Variants in AGAP1 observed in about 807,000 individuals in gnomAD.
AGAP1 encodes arf-GAP with GTPase, ANK repeat and PH domain-containing protein 1.
In AGAP1, 29 loss-of-function variants were observed where a neutral mutation model predicts 105.3. The observed-to-expected ratio is 0.28, with a 90% CI of 0.21 to 0.38. The LOEUF is 0.38. Ranked by LOEUF, AGAP1 falls within the 10% of genes least tolerant of loss-of-function variation. The probability of loss-of-function intolerance (pLI) is 1.00; values close to 1 mark genes in which losing one functional copy is unlikely to be tolerated. For synonymous variants in AGAP1, 509 were observed against 485.9 expected (o/e 1.05, Z -0.63); for missense variants, 998 against 1,165.1 (o/e 0.86, Z 2.09).
Position 235,733,496 on chromosome 2 carries a change from A to T in AGAP1, c.311-7467A>T, listed in dbSNP as rs951481200. 1.3e-5 allele frequency among the ~76,000 whole-genome samples: 2 copies of T among 152,162 alleles called. No individual in the cohort carries two copies. Among genetic ancestry groups the T allele is most frequent in the South Asian group, 4.1e-4 (2 of 4,830 alleles). On this transcript the variant is annotated intron_variant, in intron 3 of 17. Transcript: ENST00000304032. This position sits in a 1 kb window ranked among gnomAD's most constrained non-coding sequence, Gnocchi z 5.0. The stretch of plus-strand genomic sequence containing the variant: ...AAAGCCGTGCCCCTTTTCCTGTTGG[A>T]TGGTGAAGTTCCTTCCTTCTGGCTT...
rs1393472703 is a variant in AGAP1 at position 235,639,997 on chromosome 2, G to T, written c.164-69182G>T. Among the ~76,000 whole-genome samples the T allele has an allele frequency of 6.6e-6, 1 of 152,214 alleles. No homozygotes were observed. Among genetic ancestry groups the T allele is most frequent in the Non-Finnish European group, 1.5e-5 (1 of 68,042 alleles). ...TGTTTTTCTTGATAGCTGGATTTGGGTTATCTCTCAGGAAGCGGTTAGCAG... is the reference window on the plus strand; with the variant it reads ...TGTTTTTCTTGATAGCTGGATTTGGTTTATCTCTCAGGAAGCGGTTAGCAG... On this transcript the variant is annotated intron_variant, in intron 1 of 17. Transcript: ENST00000304032. The surrounding 1 kb of genome is among the most constrained non-coding windows in gnomAD (Gnocchi z 5.3).
chr2:235,908,938 A>G lies in AGAP1; in HGVS notation c.1324+32A>G. The G allele has an allele frequency of 6.3e-7, 1 of 1,590,606 alleles. No individual in the cohort carries two copies. Among genetic ancestry groups the G allele is most frequent in the Non-Finnish European group, 8.6e-7 (1 of 1,161,866 alleles). On this transcript the variant is annotated intron_variant, in intron 11 of 17. Transcript: ENST00000304032. The surrounding 1 kb of genome is among the most constrained non-coding windows in gnomAD (Gnocchi z 4.4). Reference sequence around the variant, plus strand: ...TTACAGCAAATGCACTAACAAATCAAGTTCAACAGCAACAGGTGGTCCAGG... The same window carrying G: ...TTACAGCAAATGCACTAACAAATCAGGTTCAACAGCAACAGGTGGTCCAGG...
intron 6 of AGAP1, among the ~76,000 whole-genome samples, chr2:235,781,950 A>G (rs1254708899): frequency 6.6e-6 from 1 of 152,220 alleles, no homozygotes; most frequent in Non-Finnish European, 1.5e-5. Flanking sequence ...GGGAGCTGTG[A>G]TGCCCTTTAA....
intron 1 of AGAP1, among the ~76,000 whole-genome samples, chr2:235,502,337 G>A (rs559571173): frequency 2.6e-5 from 4 of 152,276 alleles, no homozygotes; most frequent in African/African-American, 9.6e-5. Context: ...GTTTGTGTGC[G>A]AGGTTGGGAC....
chr2:235,957,791 T>A lies in AGAP1; in HGVS notation c.1484-10671T>A, dbSNP rs1416644190. 8.5e-5 allele frequency among the ~76,000 whole-genome samples: 13 copies of A among 152,208 alleles called. No homozygotes were observed. Reference sequence around the variant, plus strand: ...ATCGTTGGCCGTGTATCAAAGGAAGTGCGTTTTAATTTACGAGTTCCTACA... The same window carrying A: ...ATCGTTGGCCGTGTATCAAAGGAAGAGCGTTTTAATTTACGAGTTCCTACA... On this transcript the variant is annotated intron_variant, in intron 12 of 17. Coordinates refer to ENST00000304032, the MANE Select transcript of AGAP1 (RefSeq NM_001037131.3). This position sits in a 1 kb window ranked among gnomAD's most constrained non-coding sequence, Gnocchi z 4.6.
chr2:235,803,198 GGTA>G (rs138609170), intron 8 of AGAP1, among the ~76,000 whole-genome samples: 32,808 of 151,106 alleles, frequency 0.22, 4,443 homozygotes, highest in Non-Finnish European at 0.3. Context: ...TGGTTGTGGT[GGTA>G]GTGGTGGTGG....
rs1459622439 is a variant in AGAP1, at chr2:236,027,568, T to C, written c.1646-8993T>C. On this transcript the variant is annotated intron_variant, in intron 13 of 17. Coordinates refer to ENST00000304032, the MANE Select transcript of AGAP1 (RefSeq NM_001037131.3). This position sits in a 1 kb window ranked among gnomAD's most constrained non-coding sequence, Gnocchi z 4.4. ...CTCCCCTCCAGGTGTCCCAGATGTT[T>C]GCATCACAGTTCAGCCCTGGTCCCC... 6.6e-6 allele frequency among the ~76,000 whole-genome samples: 1 copy of C among 152,084 alleles called. No homozygotes were observed. Among genetic ancestry groups the C allele is most frequent in the Non-Finnish European group, 1.5e-5 (1 of 68,004 alleles).
Position 235,642,151 on chromosome 2 carries a change from C to T in AGAP1, c.164-67028C>T, listed in dbSNP as rs1286998031. 2.6e-5 allele frequency among the ~76,000 whole-genome samples: 4 copies of T among 152,208 alleles called. No individual in the cohort carries two copies. The highest frequency in any genetic ancestry group is 4.4e-5 in the Non-Finnish European group (3 of 68,038). Reference sequence around the variant, plus strand: ...CCAGAGGGTGCCCATCCACGGAGTGCGGCGCCTGCTCGACTTGGCCTTCTG... The same window carrying T: ...CCAGAGGGTGCCCATCCACGGAGTGTGGCGCCTGCTCGACTTGGCCTTCTG... On this transcript the variant is annotated intron_variant, in intron 1 of 17. Coordinates refer to ENST00000304032, the MANE Select transcript of AGAP1 (RefSeq NM_001037131.3). This position sits in a 1 kb window ranked among gnomAD's most constrained non-coding sequence, Gnocchi z 4.1.
At chr2:235,980,675 A>G (rs766283828) in intron 13 of AGAP1, among the ~76,000 whole-genome samples, 1 of 152,164 alleles carries the variant, frequency 6.6e-6, no homozygotes, top group Non-Finnish European at 1.5e-5. Context: ...TAATTATCTA[A>G]AGATCTTTTC....
chr2:236,102,289 T>A (rs4663640), intron 16 of AGAP1, among the ~76,000 whole-genome samples: 1 of 151,486 alleles, frequency 6.6e-6, no homozygotes, highest in Non-Finnish European at 1.5e-5. Context: ...TGGTGGCGGG[T>A]GCCTGTGGTC....
intron 1 of AGAP1, among the ~76,000 whole-genome samples, chr2:235,501,955 A>G (rs1440152735): frequency 6.6e-6 from 1 of 152,120 alleles, no homozygotes; most frequent in African/African-American, 2.4e-5. Flanking sequence ...AATGCACTCT[A>G]CAGATGTTAA....
rs770058797 is a variant in AGAP1 at position 235,769,556 on chromosome 2, CAGTT to C, written c.673+19073_673+19076del. 9.2e-5 allele frequency among the ~76,000 whole-genome samples: 14 copies of C among 152,332 alleles called. No individual in the cohort carries two copies. The highest frequency in any genetic ancestry group is 6.2e-4 in the South Asian group (3 of 4,824). On this transcript the variant is annotated intron_variant, in intron 6 of 17. Transcript: ENST00000304032. The surrounding 1 kb of genome is among the most constrained non-coding windows in gnomAD (Gnocchi z 4.4). ...CAAATGGTTGTTAAAGAAATGCAAA[CAGTT>C]AGTTGTTCCGTTCATGCTGTTGCGT...
rs111447242 is a variant in AGAP1, at chr2:235,801,474, T to C, written c.957+1952T>C. On this transcript the variant is annotated intron_variant, in intron 8 of 17. Coordinates refer to ENST00000304032, the MANE Select transcript of AGAP1 (RefSeq NM_001037131.3). This position sits in a 1 kb window ranked among gnomAD's most constrained non-coding sequence, Gnocchi z 6.0. ...TGAGTATCTCACATGCTTAAATTAG[T>C]GCATGGATAACATGTTTTATTGGGC... 8.7e-4 allele frequency among the ~76,000 whole-genome samples: 132 copies of C among 152,124 alleles called. 2 individuals carry two copies. In the East Asian group the frequency reaches 0.02, roughly 23 times the overall value.
Position 235,976,368 on chromosome 2 carries a change from G to A in AGAP1, c.1645+7745G>A, listed in dbSNP as rs376295289. Reference sequence around the variant, plus strand: ...AAAGCCATCCTGCAGGGTACAGTCCGGCCGCCACAAACACACACAAGCAGT... The same window carrying A: ...AAAGCCATCCTGCAGGGTACAGTCCAGCCGCCACAAACACACACAAGCAGT... On this transcript the variant is annotated intron_variant, in intron 13 of 17. Transcript: ENST00000304032. This position sits in a 1 kb window ranked among gnomAD's most constrained non-coding sequence, Gnocchi z 4.5. 5.9e-5 allele frequency among the ~76,000 whole-genome samples: 9 copies of A among 152,204 alleles called. No homozygotes were observed. The highest frequency in any genetic ancestry group is 4.2e-4 in the South Asian group (2 of 4,814).
In AGAP1 at chr2:236,092,424, G is replaced by GAGA. The variant is rs1559267068; in HGVS notation, c.2115-27768_2115-27767insAGA. On this transcript the variant is annotated intron_variant, in intron 16 of 17. Transcript: ENST00000304032. This position sits in a 1 kb window ranked among gnomAD's most constrained non-coding sequence, Gnocchi z 4.7. ...TTTGTTTTGTTTGTGACAGAGTCTC[G>GAGA]CTCTGTCACCCAGGCTGGAGTGTAG... Among the ~76,000 whole-genome samples, 1 of 151,852 alleles carries GAGA rather than the reference G, an allele frequency of 6.6e-6. No homozygotes were observed. The highest frequency in any genetic ancestry group is 2.4e-5 in the African/African-American group (1 of 41,332).
rs77495683 is a variant in AGAP1 at position 236,073,517 on chromosome 2, T to C, written c.2114+24236T>C. Among the ~76,000 whole-genome samples, 854 of 152,282 alleles carry C rather than the reference T, an allele frequency of 5.6e-3. 9 individuals carry two copies. The highest frequency in any genetic ancestry group is 0.02 in the African/African-American group (814 of 41,556). On this transcript the variant is annotated intron_variant, in intron 16 of 17. Transcript: ENST00000304032. This position sits in a 1 kb window ranked among gnomAD's most constrained non-coding sequence, Gnocchi z 5.4. ...GCAAAACAGCTGGGGACTGGAGATA[T>C]TGGATTATACCATCTTGGTGTTGCG...
At chr2:235,591,628 C>T (rs996914516) in intron 1 of AGAP1, among the ~76,000 whole-genome samples, 4 of 152,090 alleles carry the variant, frequency 2.6e-5, no homozygotes, top group East Asian at 3.9e-4. Flanking sequence ...AATCTCACTT[C>T]GAAATGTGAT....
intron 16 of AGAP1, among the ~76,000 whole-genome samples, chr2:236,118,506 C>T (rs1455278202): frequency 2.6e-5 from 4 of 151,344 alleles, no homozygotes; most frequent in Non-Finnish European, 4.4e-5. Context: ...TCTCCTACCT[C>T]GGCTTCCCGA....
rs558530219 is a variant in AGAP1, at chr2:235,664,425, C to T, written c.164-44754C>T. Among the ~76,000 whole-genome samples, 16 of 152,108 alleles carry T rather than the reference C, an allele frequency of 1.1e-4. No homozygotes were observed. The highest frequency in any genetic ancestry group is 3.9e-4 in the African/African-American group (16 of 41,506). The stretch of plus-strand genomic sequence containing the variant: ...TATAAAAAAGATTTCACCATGTTGG[C>T]CAGGCTGGTCTCAAACTCCTGATCT... On this transcript the variant is annotated intron_variant, in intron 1 of 17. Coordinates refer to ENST00000304032, the MANE Select transcript of AGAP1 (RefSeq NM_001037131.3). The surrounding 1 kb of genome is among the most constrained non-coding windows in gnomAD (Gnocchi z 5.7).
Sources: allele counts gnomAD v4.1 joint callset (sites outside exome capture counted in the v4.1 genomes callset), GRCh38; gene constraint gnomAD v4.1.1; non-coding constraint Gnocchi (gnomAD v3.1); transcripts MANE v1.5; gene names NCBI Gene and HGNC (gene_info 2026-07-23, HGNC 2026-07-21).